Variants in MCHR2 observed in about 807,000 individuals in gnomAD.
The protein encoded by MCHR2 is melanin-concentrating hormone receptor 2.
In MCHR2, 15 loss-of-function variants were observed where a neutral mutation model predicts 24.8. The observed-to-expected ratio is 0.60, with a 90% confidence interval of 0.40 to 0.93. The LOEUF (loss-of-function observed/expected upper bound fraction) is 0.93, where lower values mean the gene tolerates loss of function less well. MCHR2 is among the 40% of genes least tolerant of loss of function. MCHR2 has a pLI of 0.00. For synonymous variants in MCHR2, 151 were observed against 147.6 expected (o/e 1.02, Z -0.17); for missense variants, 386 against 408.7 (o/e 0.94, Z 0.48).
chr6:99,981,150 T>C (rs1281319713), intron 1 of MCHR2, among the ~76,000 whole-genome samples: 4 of 152,218 alleles, frequency 2.6e-5, no homozygotes, highest in Non-Finnish European at 1.5e-5. Context: ...TATTTATTAT[T>C]ATTATTGTTG....
At chr6:99,949,884 C>T (rs1178048265) in intron 2 of MCHR2, among the ~76,000 whole-genome samples, 1 of 145,502 alleles carries the variant, frequency 6.9e-6, no homozygotes, top group African/African-American at 2.6e-5. Flanking sequence ...GGAAGAGGGA[C>T]AGATATTAGC....
intron 5 of MCHR2, among the ~76,000 whole-genome samples, chr6:99,925,245 G>T (rs1774325933): frequency 6.6e-6 from 1 of 151,622 alleles, no homozygotes; most frequent in African/African-American, 2.4e-5. Context: ...CATTGGTATG[G>T]TGTATGTTTT....
chr6:99,920,908 A>G lies in MCHR2; in HGVS notation c.*32T>C, dbSNP rs772184921. 1.3e-6 allele frequency: 2 copies of G among 1,574,898 alleles called. No homozygotes were observed. Among genetic ancestry groups the G allele is most frequent in the African/African-American group, 1.3e-5 (1 of 74,166 alleles). ...GATAATACCAGTAAGATAGACAATC[A>G]TGTCTAGACTCATGGTGATCCATGT... On this transcript the variant is annotated 3_prime_UTR_variant, in exon 6 of 6. Coordinates refer to ENST00000281806, the MANE Select transcript of MCHR2 (RefSeq NM_001040179.2).
chr6:99,946,158 C>G (rs1029055246), intron 3 of MCHR2, among the ~76,000 whole-genome samples: 1 of 151,990 alleles, frequency 6.6e-6, no homozygotes, highest in African/African-American at 2.4e-5. Flanking sequence ...GTGAGCCTGG[C>G]CTGTTCAAGG....
At position 99,918,992 on chromosome 6, in the gene MCHR2, G is replaced by T. The variant is rs895517386; in HGVS notation, c.*1948C>A. On this transcript the variant is annotated 3_prime_UTR_variant, in exon 6 of 6. Coordinates refer to ENST00000281806, the MANE Select transcript of MCHR2 (RefSeq NM_001040179.2). ...AAAAAAACAATGAAAGTAAGCAATTGCTCTTCAATTATCACATAATAAGAT... is the reference window on the plus strand; with the variant it reads ...AAAAAAACAATGAAAGTAAGCAATTTCTCTTCAATTATCACATAATAAGAT... 7.2e-5 allele frequency among the ~76,000 whole-genome samples: 11 copies of T among 152,062 alleles called. No individual in the cohort carries two copies. Among genetic ancestry groups the T allele is most frequent in the African/African-American group, 1.2e-4 (5 of 41,416 alleles).
intron 4 of MCHR2, 95 bp from the exon 5 acceptor site, chr6:99,934,612 TC>T (rs1363023455): frequency 8.6e-7 from 1 of 1,159,026 alleles, no homozygotes; most frequent in Non-Finnish European, 1.1e-6. Flanking sequence ...GAGGCATAAT[TC>T]TTTCATTTTT....
chr6:99,924,141 T>C (rs1255706169), intron 5 of MCHR2, among the ~76,000 whole-genome samples: 2 of 152,124 alleles, frequency 1.3e-5, no homozygotes, highest in Non-Finnish European at 2.9e-5. Flanking sequence ...CTTGGTAGGT[T>C]ATATATGTAT....
At chr6:99,988,437 A>G (rs1775806664) in intron 1 of MCHR2, among the ~76,000 whole-genome samples, 1 of 152,232 alleles carries the variant, frequency 6.6e-6, no homozygotes, top group South Asian at 2.1e-4. Flanking sequence ...AAGAAAGTGC[A>G]GTCCTTTCCC....
intron 4 of MCHR2, among the ~76,000 whole-genome samples, chr6:99,938,731 C>T (rs537735077): frequency 3.8e-4 from 57 of 151,922 alleles, no homozygotes; most frequent in African/African-American, 1.2e-3. Flanking sequence ...TTAATTCTGC[C>T]GTTTCTTTGT....
At chr6:99,961,170 A>G (rs543466648) in intron 1 of MCHR2, among the ~76,000 whole-genome samples, 1 of 152,286 alleles carries the variant, frequency 6.6e-6, no homozygotes, top group African/African-American at 2.4e-5. Flanking sequence ...AAGGATATGA[A>G]CAGACACTTC....
chr6:99,973,495 G>C lies in MCHR2; in HGVS notation c.-27-17321C>G, dbSNP rs529889651. On this transcript the variant is annotated intron_variant, in intron 1 of 5. Transcript: ENST00000281806. ...ATGGGTTTCCTGAATACAGCACTCT[G>C]ATGGGTCTTGACTCTTTATCCAATT... 1.6e-4 allele frequency among the ~76,000 whole-genome samples: 24 copies of C among 152,292 alleles called. No homozygotes were observed. In the East Asian group the frequency reaches 4.6e-3, roughly 29 times the overall value.
intron 1 of MCHR2, among the ~76,000 whole-genome samples, chr6:99,960,121 A>G (rs1423061157): frequency 6.6e-6 from 1 of 152,108 alleles, no homozygotes; most frequent in Admixed American, 6.6e-5. Context: ...GGGACTTCCA[A>G]TACATCTGTT....
At chr6:99,942,311 T>C (rs1275457030) in intron 4 of MCHR2, among the ~76,000 whole-genome samples, 2 of 152,130 alleles carry the variant, frequency 1.3e-5, no homozygotes, top group African/African-American at 2.4e-5. Context: ...CTACCCTCTC[T>C]GCTGGTTTCT....
chr6:99,971,494 C>T (rs866071266), intron 1 of MCHR2, among the ~76,000 whole-genome samples: 74 of 152,266 alleles, frequency 4.9e-4, no homozygotes, highest in African/African-American at 1.6e-3. Flanking sequence ...TAGACAATCA[C>T]GACATCTGCA....
chr6:99,984,413 C>G lies in MCHR2; in HGVS notation c.-28+9523G>C, dbSNP rs12214854. 1.6e-4 allele frequency among the ~76,000 whole-genome samples: 24 copies of G among 147,590 alleles called. 1 individual carries two copies. Among genetic ancestry groups the G allele is most frequent in the African/African-American group, 6.0e-4 (24 of 40,200 alleles). ...CTCCTGAAGTTATCCCTCCCCCCCA[C>G]CCCCGTCTTTTTGTTTTTTAACAAT... On this transcript the variant is annotated intron_variant, in intron 1 of 5. Coordinates refer to ENST00000281806, the MANE Select transcript of MCHR2 (RefSeq NM_001040179.2).
At chr6:99,946,689 A>AACAC (rs898015130) in intron 3 of MCHR2, among the ~76,000 whole-genome samples, 6 of 152,052 alleles carry the variant, frequency 3.9e-5, no homozygotes, top group Middle Eastern at 3.4e-3. Flanking sequence ...GACAATAAAT[A>AACAC]ACACACACAC....
At chr6:99,989,208 T>C (rs1447985477) in intron 1 of MCHR2, among the ~76,000 whole-genome samples, 10 of 152,084 alleles carry the variant, frequency 6.6e-5, no homozygotes, top group Non-Finnish European at 1.5e-5. Flanking sequence ...GCTAAGACTG[T>C]GTAAGTGCAC....
chr6:99,936,687 C>T (rs1774667793), intron 4 of MCHR2, among the ~76,000 whole-genome samples: 1 of 151,864 alleles, frequency 6.6e-6, no homozygotes, highest in Admixed American at 6.6e-5. Flanking sequence ...TTTGTGGTTC[C>T]ATATAAATTT....
chr6:99,947,015 A>G (rs1774884288), intron 3 of MCHR2, among the ~76,000 whole-genome samples: 1 of 152,100 alleles, frequency 6.6e-6, no homozygotes, highest in Non-Finnish European at 1.5e-5. Flanking sequence ...CTAGAGTCAG[A>G]TGGCTTGGGT....
Sources: allele counts gnomAD v4.1 joint callset (sites outside exome capture counted in the v4.1 genomes callset), GRCh38; gene constraint gnomAD v4.1.1; transcripts MANE v1.5; gene names NCBI Gene and HGNC (gene_info 2026-07-23, HGNC 2026-07-21).